Variants in KIF13B observed in about 807,000 individuals in gnomAD.
The protein encoded by KIF13B is kinesin family member 13B, also known as kinesin-like protein KIF13B.
Under a neutral mutation model 222.0 loss-of-function variants are expected in KIF13B, and 127 were observed. The ratio of observed to expected loss-of-function variants is 0.57; its 90% CI spans 0.50 to 0.66. The LOEUF (loss-of-function observed/expected upper bound fraction) is 0.66, where lower values mean the gene tolerates loss of function less well. Among genes scored for constraint, KIF13B ranks in the 30% least tolerant of loss-of-function variants. The pLI, the probability that KIF13B is intolerant of heterozygous loss-of-function variation, is 0.00. For missense variants in KIF13B, 2,173 were observed against 2,379.0 expected (o/e 0.91, Z 1.80); for synonymous variants, 976 against 919.0 (o/e 1.06, Z -1.12).
chr8:29,147,617 A>T lies in KIF13B; in HGVS notation c.1814-15T>A, dbSNP rs1586842254. ...CTGCATCGGATCTAAACACATTTTTAAAAAAGATACATGATCGAGAGTTAC... is the reference window on the plus strand; with the variant it reads ...CTGCATCGGATCTAAACACATTTTTTAAAAAGATACATGATCGAGAGTTAC... On this transcript the variant is annotated splice_polypyrimidine_tract_variant and intron_variant, in intron 16 of 39. Transcript: ENST00000524189. 6 of 1,564,050 alleles carry T rather than the reference A, an allele frequency of 3.8e-6. No homozygotes were observed. The highest frequency in any genetic ancestry group is 5.3e-6 in the Non-Finnish European group (6 of 1,139,016).
chr8:29,102,690 C>T (rs981624697), intron 35 of KIF13B, among the ~76,000 whole-genome samples: 1 of 152,218 alleles, frequency 6.6e-6, no homozygotes, highest in Admixed American at 6.5e-5. Context: ...AGTGACATTT[C>T]GGGTCCAATG....
At chr8:29,153,417 C>T (rs1563745337) in intron 14 of KIF13B, among the ~76,000 whole-genome samples, 1 of 152,144 alleles carries the variant, frequency 6.6e-6, no homozygotes, top group Non-Finnish European at 1.5e-5. Flanking sequence ...GGAAAATTTA[C>T]CAGTTCCACT....
chr8:29,184,050 T>C (rs900165210), intron 6 of KIF13B, among the ~76,000 whole-genome samples: 3 of 152,188 alleles, frequency 2.0e-5, no homozygotes, highest in African/African-American at 7.2e-5. Flanking sequence ...CTTATTACCA[T>C]GTAACTGGAT....
intron 36 of KIF13B, among the ~76,000 whole-genome samples, chr8:29,093,732 A>G (rs1171986041): frequency 2.0e-5 from 3 of 152,244 alleles, no homozygotes; most frequent in Non-Finnish European, 4.4e-5. Context: ...TACATAAAGC[A>G]GTAGAATATT....
chr8:29,197,359 A>T (rs111859198), intron 2 of KIF13B, among the ~76,000 whole-genome samples: 6,046 of 148,204 alleles, frequency 0.041, 306 homozygotes, highest in African/African-American at 0.11. Context: ...AAAAAAAAAA[A>T]AACTCAATAT....
Position 29,070,890 on chromosome 8 carries a change from C to T in KIF13B, c.5219-124G>A. 9.4e-7 allele frequency: 1 copy of T among 1,060,618 alleles called. No homozygotes were observed. The highest frequency in any genetic ancestry group is 1.4e-6 in the Non-Finnish European group (1 of 729,700). 65.7% of individuals were successfully genotyped at this position (1,060,618 alleles called of 1,614,324 possible). On this transcript the variant is annotated intron_variant, in intron 39 of 39. Transcript: ENST00000524189. The surrounding 1 kb of genome is among the most constrained non-coding windows in gnomAD (Gnocchi z 4.1). ...CCCCCCCGCACAGGCCCTACACAGCCAGCACTCGGACACTGGCCATTGTCT... is the reference window on the plus strand; with the variant it reads ...CCCCCCCGCACAGGCCCTACACAGCTAGCACTCGGACACTGGCCATTGTCT...
chr8:29,150,203 T>C (rs1811237093), intron 15 of KIF13B, 94 bp downstream of exon 15: 2 of 686,310 alleles, frequency 2.9e-6, no homozygotes, highest in South Asian at 1.8e-5. Flanking sequence ...AATAACATAA[T>C]TGTTGTAGAG....
At chr8:29,122,324 C>T (rs1809904568) in intron 29 of KIF13B, among the ~76,000 whole-genome samples, 1 of 152,172 alleles carries the variant, frequency 6.6e-6, no homozygotes, top group Non-Finnish European at 1.5e-5. Flanking sequence ...ACCATCCTAA[C>T]ACCAGGAGAA....
At chr8:29,148,222 T>C (rs1208037185) in intron 16 of KIF13B, among the ~76,000 whole-genome samples, 1 of 152,068 alleles carries the variant, frequency 6.6e-6, no homozygotes, top group Non-Finnish European at 1.5e-5. Flanking sequence ...TAAAATAAAA[T>C]AAACAAGAGA....
chr8:29,196,869 GT>G (rs1235348006), intron 2 of KIF13B, among the ~76,000 whole-genome samples: 1 of 152,100 alleles, frequency 6.6e-6, no homozygotes, highest in Non-Finnish European at 1.5e-5. Flanking sequence ...TGTTACGTGG[GT>G]ACTCAAAAAG....
intron 2 of KIF13B, among the ~76,000 whole-genome samples, chr8:29,212,270 T>C (rs1010013775): frequency 2.5e-4 from 38 of 152,188 alleles, no homozygotes; most frequent in African/African-American, 8.7e-4. Flanking sequence ...TAGGAAACGG[T>C]AAAAATGTTT....
At chr8:29,239,138 C>T (rs1197705757) in intron 2 of KIF13B, among the ~76,000 whole-genome samples, 1 of 152,126 alleles carries the variant, frequency 6.6e-6, no homozygotes, top group Non-Finnish European at 1.5e-5. Context: ...ACCCGCCCAG[C>T]CCCCCAAACC....
Position 29,140,268 on chromosome 8 carries a change from T to C in KIF13B, c.2485-77A>G, listed in dbSNP as rs116470735. 6.3e-4 allele frequency: 996 copies of C among 1,573,956 alleles called. 11 individuals carry two copies. The African/African-American group carries it at 0.011, about 18-fold the overall frequency. ...CCTTGAGATGACCTCTCTTCTCTTT[T>C]ACAGTCAAGTTGTCAGGTTAATGGT... is the stretch of plus-strand genomic sequence containing the variant. On this transcript the variant is annotated intron_variant, in intron 20 of 39. Transcript: ENST00000524189.
chr8:29,083,032 GAT>G (rs893830414), intron 37 of KIF13B, among the ~76,000 whole-genome samples: 2 of 151,836 alleles, frequency 1.3e-5, no homozygotes, highest in African/African-American at 4.8e-5. Context: ...GGGAGGCTGA[GAT>G]GGGAGAATCA....
At chr8:29,196,069 G>T in intron 3 of KIF13B, 118 bp downstream of exon 3, 1 of 880,610 alleles carries the variant, frequency 1.1e-6, no homozygotes, top group Non-Finnish European at 1.8e-6. Context: ...CTGACAGCTT[G>T]CATTACTTGT....
At chr8:29,108,367 T>C (rs561745473) in intron 34 of KIF13B, among the ~76,000 whole-genome samples, 175 bp from the exon 35 acceptor site, 2 of 152,320 alleles carry the variant, frequency 1.3e-5, no homozygotes, top group East Asian at 3.9e-4. Context: ...AAACATTGAA[T>C]TGGTTATGAA....
intron 1 of KIF13B, among the ~76,000 whole-genome samples, chr8:29,253,826 C>A (rs143999719): frequency 1.4e-5 from 1 of 71,382 alleles, no homozygotes; most frequent in Admixed American, 1.9e-4. Context: ...GTGAGACTGT[C>A]TCAAAAAAAA....
chr8:29,193,506 TTTTA>T (rs1426148386), intron 3 of KIF13B, among the ~76,000 whole-genome samples: 2 of 152,210 alleles, frequency 1.3e-5, no homozygotes, highest in East Asian at 3.9e-4. Context: ...ATCTCCATAA[TTTTA>T]TTTAATTAAT....
chr8:29,195,569 A>T (rs1286955241), intron 3 of KIF13B, among the ~76,000 whole-genome samples: 1 of 152,240 alleles, frequency 6.6e-6, no homozygotes, highest in Non-Finnish European at 1.5e-5. Flanking sequence ...ATGGAGACAG[A>T]AATCTAAATT....
Sources: gnomAD v4.1 joint callset for allele counts (sites outside exome capture counted in the v4.1 genomes callset) on GRCh38, gnomAD v4.1.1 for gene constraint, Gnocchi (gnomAD v3.1) non-coding constraint, MANE v1.5 for transcripts, NCBI Gene and HGNC (gene_info 2026-07-23, HGNC 2026-07-21) for gene names.